Variants in ANKRD13C observed in about 807,000 individuals in gnomAD.
ANKRD13C encodes ankyrin repeat domain-containing protein 13C.
A neutral mutation model predicts 65.5 loss-of-function variants in ANKRD13C; 16 were observed. The observed-to-expected ratio is 0.24, with a 90% CI of 0.17 to 0.37. The LOEUF (loss-of-function observed/expected upper bound fraction) is 0.37, where lower values mean the gene tolerates loss of function less well. Ranked by LOEUF, ANKRD13C falls within the 10% of genes least tolerant of loss-of-function variation. The pLI is 1.00. For missense variants in ANKRD13C, 503 were observed against 655.9 expected (o/e 0.77, Z 2.55); for synonymous variants, 235 against 238.7 (o/e 0.98, Z 0.14).
chr1:70,300,031 C>T (rs1680278239), intron 7 of ANKRD13C, among the ~76,000 whole-genome samples: 1 of 151,824 alleles, frequency 6.6e-6, no homozygotes, highest in African/African-American at 2.4e-5. Flanking sequence ...GAAAGGTAGC[C>T]AAAGAGTTAG....
intron 9 of ANKRD13C, among the ~76,000 whole-genome samples, chr1:70,280,632 T>C (rs1031615337): frequency 3.9e-5 from 6 of 152,224 alleles, no homozygotes; most frequent in African/African-American, 1.4e-4. Flanking sequence ...AATGACTAGC[T>C]GACTTCAAAC....
intron 12 of ANKRD13C, among the ~76,000 whole-genome samples, chr1:70,267,501 G>A (rs1678682362): frequency 6.6e-6 from 1 of 152,028 alleles, no homozygotes; most frequent in African/African-American, 2.4e-5. Context: ...AGCCTCCCAA[G>A]TAGCTGGGAT....
chr1:70,330,076 G>C lies in ANKRD13C; in HGVS notation c.473-5119C>G, dbSNP rs535616982. On this transcript the variant is annotated intron_variant, in intron 2 of 12. Transcript: ENST00000370944. ...TGCACTCCAGCCTGGGTGGCAGGGC[G>C]ATATTCCGTCTCAAAAAAAAAAAAA... Among the ~76,000 whole-genome samples, 5 of 142,210 alleles carry C rather than the reference G, an allele frequency of 3.5e-5. No homozygotes were observed. The East Asian group carries it at 1.1e-3, about 32-fold the overall frequency. The allele number at this position is 142,210 out of a possible 152,430, so 93.3% of individuals were successfully genotyped here.
At chr1:70,286,975 ACT>A (rs1311602653) in intron 9 of ANKRD13C, among the ~76,000 whole-genome samples, 1 of 152,044 alleles carries the variant, frequency 6.6e-6, no homozygotes, top group African/African-American at 2.4e-5. Context: ...ATAGAACGAG[ACT>A]CTGTCTCCAA....
intron 2 of ANKRD13C, among the ~76,000 whole-genome samples, chr1:70,333,907 C>T (rs1314758592): frequency 1.3e-5 from 2 of 151,990 alleles, no homozygotes; most frequent in African/African-American, 4.8e-5. Flanking sequence ...TAACATGTAG[C>T]CTTTTAATGA....
chr1:70,340,785 A>G (rs1284041801), intron 1 of ANKRD13C, among the ~76,000 whole-genome samples: 1 of 152,160 alleles, frequency 6.6e-6, no homozygotes, highest in African/African-American at 2.4e-5. Flanking sequence ...ATTGTGAGAC[A>G]TGCACCTTTT....
At chr1:70,304,254 G>A (rs1423016543) in intron 6 of ANKRD13C, among the ~76,000 whole-genome samples, 2 of 151,416 alleles carry the variant, frequency 1.3e-5, no homozygotes, top group African/African-American at 4.9e-5. Flanking sequence ...TATTGCCTAG[G>A]TTGTGTTTTA....
intron 12 of ANKRD13C, among the ~76,000 whole-genome samples, chr1:70,269,385 G>A (rs1678779810): frequency 6.6e-6 from 1 of 152,136 alleles, no homozygotes; most frequent in South Asian, 2.1e-4. Context: ...CTTAAAAATA[G>A]ATGTGAATAC....
intron 9 of ANKRD13C, among the ~76,000 whole-genome samples, chr1:70,280,354 GA>G (rs1459963171): frequency 2.0e-5 from 3 of 152,168 alleles, no homozygotes; most frequent in African/African-American, 7.2e-5. Flanking sequence ...CTGGTTGAAG[GA>G]ACTGGGGAAA....
chr1:70,316,632 G>A (rs1681085303), intron 3 of ANKRD13C, among the ~76,000 whole-genome samples: 1 of 152,018 alleles, frequency 6.6e-6, no homozygotes, highest in Non-Finnish European at 1.5e-5. Context: ...AGGCTGCAGT[G>A]AGCTATGACC....
intron 7 of ANKRD13C, among the ~76,000 whole-genome samples, chr1:70,297,535 G>A (rs1186633152): frequency 6.8e-6 from 1 of 147,446 alleles, no homozygotes; most frequent in Non-Finnish European, 1.5e-5. Flanking sequence ...CTCGTGATCC[G>A]CCCGCCTCGG....
chr1:70,304,100 G>C (rs938483119), intron 6 of ANKRD13C, among the ~76,000 whole-genome samples: 7 of 152,132 alleles, frequency 4.6e-5, no homozygotes, highest in African/African-American at 1.7e-4. Flanking sequence ...GGAATACAGT[G>C]GCACGATCTC....
intron 1 of ANKRD13C, among the ~76,000 whole-genome samples, chr1:70,340,494 A>G (rs1339306783): frequency 1.3e-5 from 2 of 152,172 alleles, no homozygotes; most frequent in Non-Finnish European, 2.9e-5. Flanking sequence ...ATCCTTGCAA[A>G]AAAAAACTTT....
chr1:70,261,571 G>T lies in ANKRD13C; in HGVS notation c.*1146C>A, dbSNP rs1678390239. The T allele has an allele frequency of 6.6e-6, 1 of 152,010 alleles. No individual in the cohort carries two copies. Among genetic ancestry groups the T allele is most frequent in the East Asian group, 1.9e-4 (1 of 5,196 alleles). The allele number at this position is 152,010 out of a possible 1,614,324, so 9.4% of individuals were successfully genotyped here. On this transcript the variant is annotated 3_prime_UTR_variant, in exon 13 of 13. Transcript: ENST00000370944. Reference sequence around the variant, plus strand: ...TTAAGTGCAAAAATGAGTAATACATGATTTTATCACTTTGGAGACAATGAA... The same window carrying T: ...TTAAGTGCAAAAATGAGTAATACATTATTTTATCACTTTGGAGACAATGAA...
At chr1:70,288,791 G>A (rs776348550) in intron 9 of ANKRD13C, among the ~76,000 whole-genome samples, 1 of 152,132 alleles carries the variant, frequency 6.6e-6, no homozygotes, top group South Asian at 2.1e-4. Context: ...ATGAGGGATC[G>A]TATGGTGGTA....
At chr1:70,266,190 C>T (rs1678624791) in intron 12 of ANKRD13C, among the ~76,000 whole-genome samples, 1 of 152,136 alleles carries the variant, frequency 6.6e-6, no homozygotes, top group African/African-American at 2.4e-5. Context: ...CTGTTCACTG[C>T]CACAGTTGTT....
At chr1:70,278,173 A>G (rs1248571937) in intron 9 of ANKRD13C, among the ~76,000 whole-genome samples, 1 of 150,668 alleles carries the variant, frequency 6.6e-6, no homozygotes, top group Non-Finnish European at 1.5e-5. Flanking sequence ...TGGGTAACAA[A>G]GTAAGACCCT....
intron 2 of ANKRD13C, among the ~76,000 whole-genome samples, chr1:70,330,549 C>T (rs1445410929): frequency 7.2e-6 from 1 of 139,230 alleles, no homozygotes; most frequent in Non-Finnish European, 1.5e-5. Flanking sequence ...CAGAGTGAGC[C>T]TCCGTCTCAA....
intron 1 of ANKRD13C, among the ~76,000 whole-genome samples, chr1:70,344,757 T>C (rs1438509328): frequency 6.6e-6 from 1 of 152,120 alleles, no homozygotes; most frequent in Non-Finnish European, 1.5e-5. Flanking sequence ...ACTCCTTTTA[T>C]ACTTCTAAAA....
Sources: gnomAD v4.1 joint callset for allele counts (sites outside exome capture counted in the v4.1 genomes callset) on GRCh38, gnomAD v4.1.1 for gene constraint, MANE v1.5 for transcripts, NCBI Gene and HGNC (gene_info 2026-07-23, HGNC 2026-07-21) for gene names.